Variants in IL1RAPL1 observed in about 807,000 individuals in gnomAD.
IL1RAPL1 encodes interleukin-1 receptor accessory protein-like 1.
A neutral mutation model predicts 48.4 loss-of-function variants in IL1RAPL1; 3 were observed. That is an observed-to-expected ratio of 0.06 (90% CI 0.03 to 0.16). The LOEUF (loss-of-function observed/expected upper bound fraction) is 0.16. Among genes scored for constraint, IL1RAPL1 ranks in the 10% least tolerant of loss-of-function variants. The probability of loss-of-function intolerance (pLI) is 1.00; values close to 1 mark genes in which losing one functional copy is unlikely to be tolerated. For synonymous variants in IL1RAPL1, 185 were observed against 187.7 expected (o/e 0.99, Z 0.12); for missense variants, 349 against 530.6 (o/e 0.66, Z 3.36).
chrX:29,480,750 A>G (rs1036853073), intron 5 of IL1RAPL1, among the ~76,000 whole-genome samples: 2 of 110,450 alleles, frequency 1.8e-5, no homozygotes, highest in African/African-American at 3.3e-5. Context: ...CCTTTTTTCC[A>G]TTTTTTCATC....
intron 5 of IL1RAPL1, among the ~76,000 whole-genome samples, chrX:29,641,689 A>G (rs1925175683): frequency 8.9e-6 from 1 of 112,702 alleles, no homozygotes; most frequent in Non-Finnish European, 1.9e-5. Flanking sequence ...AAGGGCTTTG[A>G]TAAGCATCTG....
At chrX:28,768,774 T>TATATATAC (rs1936277635) in intron 1 of IL1RAPL1, among the ~76,000 whole-genome samples, 1 of 82,012 alleles carries the variant, frequency 1.2e-5, no homozygotes, top group Admixed American at 1.5e-4. Flanking sequence ...TATATATATA[T>TATATATAC]ATATACACAC....
intron 6 of IL1RAPL1, among the ~76,000 whole-genome samples, chrX:29,773,334 G>T (rs2147152455): frequency 8.9e-6 from 1 of 111,799 alleles, no homozygotes; most frequent in South Asian, 3.7e-4. Context: ...AACTGGCTGT[G>T]CTGAACTTCC....
intron 3 of IL1RAPL1, among the ~76,000 whole-genome samples, chrX:29,381,320 A>G (rs1190022366): frequency 9.4e-6 from 1 of 106,484 alleles, no homozygotes; most frequent in East Asian, 2.9e-4. Context: ...AGATTTTTAT[A>G]TGATAAATGA....
chrX:28,959,115 A>C (rs1040370587), intron 2 of IL1RAPL1, among the ~76,000 whole-genome samples: 1 of 111,767 alleles, frequency 8.9e-6, no homozygotes, highest in Non-Finnish European at 1.9e-5. Flanking sequence ...ACAAATAATT[A>C]AAGAAAATTA....
At chrX:29,290,042 C>T (rs1005308247) in intron 3 of IL1RAPL1, among the ~76,000 whole-genome samples, 1 of 111,432 alleles carries the variant, frequency 9.0e-6, no homozygotes, top group Non-Finnish European at 1.9e-5. Flanking sequence ...AGTAAGTAAG[C>T]ATCTATCAAA....
At position 29,357,146 on chromosome X, in the gene IL1RAPL1, G is replaced by T. The variant is rs374857165; in HGVS notation, c.363-39112G>T. ...TTCTTTCAGATATTTTATTAATACT[G>T]CTAGGATTTAGAATTGGTGATAGTT... On this transcript the variant is annotated intron_variant, in intron 3 of 10. Transcript: ENST00000378993. 2.1e-4 allele frequency among the ~76,000 whole-genome samples: 23 copies of T among 111,716 alleles called. No homozygotes were observed. In the East Asian group the frequency reaches 4.2e-3, roughly 20 times the overall value.
chrX:28,776,726 A>G (rs1375405651), intron 1 of IL1RAPL1, among the ~76,000 whole-genome samples: 3 of 112,038 alleles, frequency 2.7e-5, no homozygotes, highest in Non-Finnish European at 3.8e-5. Context: ...CTCTAAATAG[A>G]CAACAATAGC....
intron 2 of IL1RAPL1, among the ~76,000 whole-genome samples, chrX:28,973,451 T>C (rs1288524037): frequency 8.9e-6 from 1 of 112,199 alleles, no homozygotes; most frequent in African/African-American, 3.2e-5. Flanking sequence ...AAGATTTATT[T>C]CCTGCCCAAA....
intron 2 of IL1RAPL1, among the ~76,000 whole-genome samples, chrX:29,094,632 A>G (rs1189619294): frequency 2.0e-5 from 2 of 102,355 alleles, no homozygotes; most frequent in African/African-American, 7.1e-5. Flanking sequence ...CGGGCAGGGC[A>G]TGGTGGCAGG....
At chrX:29,005,386 A>G (rs1026180618) in intron 2 of IL1RAPL1, among the ~76,000 whole-genome samples, 2 of 112,196 alleles carry the variant, frequency 1.8e-5, no homozygotes, top group African/African-American at 3.2e-5. Flanking sequence ...ATGCATAATG[A>G]CTATATTAGC....
At chrX:29,333,875 G>A (rs775464492) in intron 3 of IL1RAPL1, among the ~76,000 whole-genome samples, 568 of 83,261 alleles carry the variant, frequency 6.8e-3, no homozygotes, top group African/African-American at 0.028. Context: ...AGGGGCGGCC[G>A]GGCAGAGGCG....
intron 9 of IL1RAPL1, among the ~76,000 whole-genome samples, chrX:29,951,869 C>A (rs895373132): frequency 2.8e-5 from 3 of 108,191 alleles, no homozygotes; most frequent in Non-Finnish European, 3.8e-5. Flanking sequence ...CAGGATCATG[C>A]ATCCAAATTG....
At chrX:28,837,264 G>A (rs925421967) in intron 2 of IL1RAPL1, among the ~76,000 whole-genome samples, 3 of 110,419 alleles carry the variant, frequency 2.7e-5, no homozygotes, top group Admixed American at 1.9e-4. Context: ...ACTGCATTTT[G>A]CTATGTGTTA....
At chrX:29,060,616 C>T (rs1180334474) in intron 2 of IL1RAPL1, among the ~76,000 whole-genome samples, 4 of 111,334 alleles carry the variant, frequency 3.6e-5, no homozygotes, top group African/African-American at 1.3e-4. Context: ...TTCTAGCGAG[C>T]TGTAGTCACA....
At chrX:29,021,538 C>G (rs1926368582) in intron 2 of IL1RAPL1, among the ~76,000 whole-genome samples, 1 of 111,672 alleles carries the variant, frequency 9.0e-6, no homozygotes, top group African/African-American at 3.3e-5. Flanking sequence ...AAAAGATATG[C>G]ATATGGATAC....
intron 5 of IL1RAPL1, among the ~76,000 whole-genome samples, chrX:29,597,265 T>G: frequency 9.2e-6 from 1 of 108,201 alleles, no homozygotes; most frequent in East Asian, 3.0e-4. Flanking sequence ...TCGATTCTCC[T>G]GCCTCAGCCT....
chrX:29,453,746 T>C (rs980036416), intron 5 of IL1RAPL1, among the ~76,000 whole-genome samples: 2 of 112,168 alleles, frequency 1.8e-5, no homozygotes, highest in Non-Finnish European at 3.8e-5. Context: ...ATTGTGCAAT[T>C]ATGGTTGAGA....
intron 2 of IL1RAPL1, among the ~76,000 whole-genome samples, chrX:28,954,248 T>C (rs1382075150): frequency 1.8e-5 from 2 of 111,178 alleles, no homozygotes; most frequent in Admixed American, 1.9e-4. Flanking sequence ...AAGCCAATAG[T>C]TTCATATAGC....
Sources: gnomAD v4.1 joint callset for allele counts (sites outside exome capture counted in the v4.1 genomes callset) on GRCh38, gnomAD v4.1.1 for gene constraint, MANE v1.5 for transcripts, NCBI Gene and HGNC (gene_info 2026-07-23, HGNC 2026-07-21) for gene names.